The following ASB5 variants were observed in gnomAD, a reference collection of about 807,000 sequenced individuals.
The protein encoded by ASB5 is ankyrin repeat and SOCS box containing 5, also known as ankyrin repeat and SOCS box protein 5.
Under a neutral mutation model 42.1 loss-of-function variants are expected in ASB5, and 45 were observed. The observed-to-expected ratio is 1.07, with a 90% CI of 0.84 to 1.37. The LOEUF is 1.37. Among genes scored for constraint, ASB5 ranks in the 40% most tolerant of loss-of-function variants. The pLI is 0.00. For missense variants in ASB5, 402 were observed against 399.8 expected (o/e 1.01, Z -0.05); for synonymous variants, 147 against 150.6 (o/e 0.98, Z 0.18).
chr4:176,259,778 T>C (rs1754222999), intron 1 of ASB5, among the ~76,000 whole-genome samples: 1 of 152,202 alleles, frequency 6.6e-6, no homozygotes, highest in Non-Finnish European at 1.5e-5. Context: ...ATGAATGGCA[T>C]TTTGGTGTTA....
At chr4:176,265,885 T>C (rs1754346735) in intron 1 of ASB5, among the ~76,000 whole-genome samples, 1 of 152,126 alleles carries the variant, frequency 6.6e-6, no homozygotes, top group Admixed American at 6.6e-5. Flanking sequence ...AGGAGGTAGT[T>C]ATACAAAAAA....
chr4:176,221,921 AATG>A (rs1281771246), intron 3 of ASB5, among the ~76,000 whole-genome samples: 2 of 152,172 alleles, frequency 1.3e-5, no homozygotes, highest in Non-Finnish European at 2.9e-5. Context: ...AAAAAAGTGT[AATG>A]ATGATGAAGT....
rs780705210 is a variant in ASB5 at position 176,269,139 on chromosome 4, T to A, written c.-31A>T. On this transcript the variant is annotated 5_prime_UTR_variant, in exon 1 of 7. Transcript: ENST00000296525. The stretch of plus-strand genomic sequence containing the variant: ...CAGAAGAATCTGCGGCGGTCTTTAG[T>A]TGGATCCAAGTCTCAAATGTGCCTG... 6.3e-7 allele frequency: 1 copy of A among 1,591,420 alleles called. No individual in the cohort carries two copies. The highest frequency in any genetic ancestry group is 8.6e-7 in the Non-Finnish European group (1 of 1,166,712).
At chr4:176,234,834 TG>T (rs1753644634) in intron 1 of ASB5, among the ~76,000 whole-genome samples, 1 of 152,162 alleles carries the variant, frequency 6.6e-6, no homozygotes. Context: ...CACTATAAAA[TG>T]GGGGCAATCA....
intron 2 of ASB5, among the ~76,000 whole-genome samples, chr4:176,274,428 CATT>C (rs1754529968): frequency 6.6e-6 from 1 of 152,152 alleles, no homozygotes; most frequent in African/African-American, 2.4e-5. Context: ...AAGCGGGTAT[CATT>C]ATCCCTTCTG....
In ASB5 at chr4:176,242,908, A is replaced by G. The variant is rs190980654; in HGVS notation, c.197-17567T>C. Among the ~76,000 whole-genome samples the G allele has an allele frequency of 3.3e-5, 5 of 152,312 alleles. No homozygotes were observed. The East Asian group carries it at 9.6e-4, about 29-fold the overall frequency. On this transcript the variant is annotated intron_variant, in intron 1 of 6. Transcript: ENST00000296525. ...TACATTAAAATTACTGAGGCCAGTTATATGTTCCCTATCAGAGGTCAGCCA... is the reference window on the plus strand; with the variant it reads ...TACATTAAAATTACTGAGGCCAGTTGTATGTTCCCTATCAGAGGTCAGCCA...
At chr4:176,225,591 A>T (rs11938308) in intron 1 of ASB5, among the ~76,000 whole-genome samples, 1 of 151,980 alleles carries the variant, frequency 6.6e-6, no homozygotes, top group Non-Finnish European at 1.5e-5. Flanking sequence ...GCCTTTTTAA[A>T]TTTTTTATTT....
At chr4:176,219,099 AAT>A (rs369200285) in intron 5 of ASB5, among the ~76,000 whole-genome samples, 3,907 of 17,016 alleles carry the variant, frequency 0.23, 1,108 homozygotes, top group African/African-American at 0.37. Context: ...ATGATATATA[AAT>A]ATATATATAT....
intron 1 of ASB5, among the ~76,000 whole-genome samples, chr4:176,232,494 C>A (rs1334224523): frequency 2.0e-5 from 3 of 152,084 alleles, no homozygotes; most frequent in Non-Finnish European, 4.4e-5. Context: ...AAACCCTTAA[C>A]CTGCACAGAC....
At chr4:176,243,795 C>A (rs1015489818) in intron 1 of ASB5, among the ~76,000 whole-genome samples, 16 of 152,290 alleles carry the variant, frequency 1.1e-4, no homozygotes, top group Admixed American at 5.9e-4. Context: ...TGAGCCACTA[C>A]GCAGGCAATT....
chr4:176,237,693 A>G (rs1000379737), intron 1 of ASB5: 1 of 583,914 alleles, frequency 1.7e-6, no homozygotes, highest in Non-Finnish European at 2.2e-6. Context: ...GAAGTCTTTA[A>G]CTATTTGTGT....
At chr4:176,219,591 T>TG (rs1472132827) in intron 5 of ASB5, among the ~76,000 whole-genome samples, 939 of 49,088 alleles carry the variant, frequency 0.019, 199 homozygotes, top group African/African-American at 0.053. Context: ...TATATATATA[T>TG]ATATATATAT....
chr4:176,234,541 C>T (rs1753635890), intron 1 of ASB5, among the ~76,000 whole-genome samples: 2 of 152,198 alleles, frequency 1.3e-5, no homozygotes, highest in Non-Finnish European at 2.9e-5. Flanking sequence ...CTTCTCAGCA[C>T]TTATTACTAG....
At chr4:176,262,264 T>C (rs1320287174) in intron 1 of ASB5, among the ~76,000 whole-genome samples, 1 of 152,228 alleles carries the variant, frequency 6.6e-6, no homozygotes, top group Non-Finnish European at 1.5e-5. Context: ...TGAAATTTTT[T>C]CATCAAAATA....
intron 1 of ASB5, among the ~76,000 whole-genome samples, chr4:176,253,809 C>T (rs1754092251): frequency 6.6e-6 from 1 of 151,576 alleles, no homozygotes; most frequent in Non-Finnish European, 1.5e-5. Context: ...TTTACATTTA[C>T]AATAGCTGCA....
chr4:176,260,210 G>T (rs1754231062), intron 1 of ASB5, among the ~76,000 whole-genome samples: 1 of 152,114 alleles, frequency 6.6e-6, no homozygotes, highest in Non-Finnish European at 1.5e-5. Flanking sequence ...CTGTTCGAAA[G>T]GGGGAAGGGG....
Position 176,213,904 on chromosome 4 carries a change from G to A in ASB5, c.*1696C>T, listed in dbSNP as rs1227051748. ...CTTAAAATCTAAGACTTCTCCTCTAGCTCAGGGAAAATACTGGTGGAAACC... is the reference window on the plus strand; with the variant it reads ...CTTAAAATCTAAGACTTCTCCTCTAACTCAGGGAAAATACTGGTGGAAACC... On this transcript the variant is annotated 3_prime_UTR_variant, in exon 7 of 7. Coordinates refer to ENST00000296525, the MANE Select transcript of ASB5 (RefSeq NM_080874.4). 6.6e-6 allele frequency: 1 copy of A among 152,006 alleles called. No individual in the cohort carries two copies. Among genetic ancestry groups the A allele is most frequent in the Non-Finnish European group, 1.5e-5 (1 of 67,960 alleles). The allele number at this position is 152,006 out of a possible 1,614,324, so 9.4% of individuals were successfully genotyped here.
chr4:176,215,519 G>A lies in ASB5; in HGVS notation c.*81C>T, dbSNP rs1262222892. On this transcript the variant is annotated 3_prime_UTR_variant, in exon 7 of 7. Coordinates refer to ENST00000296525, the MANE Select transcript of ASB5 (RefSeq NM_080874.4). Reference sequence around the variant, plus strand: ...CACACTCACTTTTATCCTATCTTTAGCATATTTTTATATGAACTATTCCTT... The same window carrying A: ...CACACTCACTTTTATCCTATCTTTAACATATTTTTATATGAACTATTCCTT... The A allele has an allele frequency of 7.1e-7, 1 of 1,415,950 alleles. No homozygotes were observed. Among genetic ancestry groups the A allele is most frequent in the African/African-American group, 1.4e-5 (1 of 69,164 alleles). The allele number at this position is 1,415,950 out of a possible 1,614,324, so 87.7% of individuals were successfully genotyped here.
intron 1 of ASB5, among the ~76,000 whole-genome samples, chr4:176,263,127 G>T (rs1754295055): frequency 6.6e-6 from 1 of 151,978 alleles, no homozygotes; most frequent in Non-Finnish European, 1.5e-5. Flanking sequence ...GGAGAGTTCT[G>T]GTTGTTGAAA....
Sources: gnomAD v4.1 joint callset for allele counts (sites outside exome capture counted in the v4.1 genomes callset) on GRCh38, gnomAD v4.1.1 for gene constraint, MANE v1.5 for transcripts, NCBI Gene and HGNC (gene_info 2026-07-23, HGNC 2026-07-21) for gene names.